The following MYBPC2 variants were observed in gnomAD, a reference collection of about 807,000 sequenced individuals.
MYBPC2 encodes the protein myosin binding protein C2.
A neutral mutation model predicts 137.0 loss-of-function variants in MYBPC2; 122 were observed. That is an observed-to-expected ratio of 0.89 (90% CI 0.77 to 1.03). MYBPC2 has a LOEUF of 1.03. Ranked by LOEUF, MYBPC2 falls within the 50% of genes least tolerant of loss-of-function variation. The probability of loss-of-function intolerance (pLI) is 0.00; values close to 1 mark genes in which losing one functional copy is unlikely to be tolerated. For synonymous variants in MYBPC2, 626 were observed against 612.3 expected (o/e 1.02, Z -0.33); for missense variants, 1,500 against 1,534.4 (o/e 0.98, Z 0.37).
At chr19:50,451,777 A>G in intron 15 of MYBPC2, 87 bp from the exon 16 acceptor site, 2 of 1,532,316 alleles carry the variant, frequency 1.3e-6, no homozygotes, top group Non-Finnish European at 1.8e-6. Flanking sequence ...CACTGTTGGA[A>G]CCCAACTTTT....
At chr19:50,450,772 C>T in intron 13 of MYBPC2, 57 bp from the exon 14 acceptor site, 1 of 1,289,438 alleles carries the variant, frequency 7.8e-7, no homozygotes, top group Non-Finnish European at 1.1e-6. Flanking sequence ...CGGTGCAGCC[C>T]CATAGTGGTC....
chr19:50,433,027 G>C (rs2039671177), intron 1 of MYBPC2, 55 bp downstream of exon 1: 1 of 1,533,570 alleles, frequency 6.5e-7, no homozygotes, highest in African/African-American at 1.4e-5. Flanking sequence ...TTCTGGATGG[G>C]GATTTGGGAC....
At position 50,435,865 on chromosome 19, in the gene MYBPC2, G is replaced by C; in HGVS notation, c.196+3G>C. ...GGACTCCGTCTCAGTGGAGACTGGTGAGGGGAACCCGGGGGAGGAGGGGCT... is the reference window on the plus strand; with the variant it reads ...GGACTCCGTCTCAGTGGAGACTGGTCAGGGGAACCCGGGGGAGGAGGGGCT... On this transcript the variant is annotated splice_donor_region_variant and intron_variant, in intron 3 of 27. Transcript: ENST00000357701. The surrounding 1 kb of genome is among the most constrained non-coding windows in gnomAD (Gnocchi z 4.8). The C allele has an allele frequency of 6.3e-7, 1 of 1,585,594 alleles. No individual in the cohort carries two copies. Among genetic ancestry groups the C allele is most frequent in the Non-Finnish European group, 8.6e-7 (1 of 1,164,906 alleles).
At chr19:50,452,106 C>T (rs1465642057) in intron 16 of MYBPC2, 103 bp downstream of exon 16, 1 of 1,273,822 alleles carries the variant, frequency 7.9e-7, no homozygotes, top group Non-Finnish European at 1.1e-6. Flanking sequence ...GGTGATGGTT[C>T]CTTCTTCACA....
In MYBPC2 at chr19:50,443,590, G is replaced by C. The variant is rs1223476853; in HGVS notation, c.999G>C (p.Glu333Asp). The C allele has an allele frequency of 1.2e-6, 2 of 1,613,428 alleles. No homozygotes were observed. Among genetic ancestry groups the C allele is most frequent in the Non-Finnish European group, 1.7e-6 (2 of 1,179,622 alleles). ...CCTATGAAGTAGCTGTCAAGGATGA[G>C]AAGTGTTTCACCGAGCTCTTCGTCA... ...DAAYEVAVKD[E>D]KCFTELFVKE... Residue 333 changes from glutamate (E) to aspartate (D), a missense_variant, in exon 10 of 28, where the codon GAG becomes GAC. Coordinates refer to ENST00000357701, the MANE Select transcript of MYBPC2 (RefSeq NM_004533.4).
At chr19:50,457,876 C>T (rs574795229) in intron 20 of MYBPC2, among the ~76,000 whole-genome samples, 4 of 150,622 alleles carry the variant, frequency 2.7e-5, no homozygotes, top group South Asian at 2.1e-4. Flanking sequence ...GACAGGGTTT[C>T]GCCATGTTGG....
intron 20 of MYBPC2, among the ~76,000 whole-genome samples, chr19:50,456,610 G>A (rs1184853119): frequency 2.1e-5 from 3 of 143,700 alleles, no homozygotes; most frequent in Non-Finnish European, 4.6e-5. Context: ...TTTTTTTTTT[G>A]TATTTTTAGT....
intron 24 of MYBPC2, among the ~76,000 whole-genome samples, chr19:50,461,269 AGCTGGGATTACAG>A (rs2039968986): frequency 6.7e-6 from 1 of 149,438 alleles, no homozygotes; most frequent in South Asian, 2.1e-4. Context: ...CCTCCCAAAG[AGCTGGGATTACAG>A]GCATGAGCCA....
At chr19:50,444,879 CAAAAAAAAAAAAAAA>C (rs34557075) in intron 11 of MYBPC2, among the ~76,000 whole-genome samples, 1 of 67,274 alleles carries the variant, frequency 1.5e-5, no homozygotes, top group East Asian at 4.1e-4. Context: ...GACTCCGTCT[CAAAAAAAAAAAAAAA>C]AAAAAAAAAA....
chr19:50,464,965 TCTCCCTGCCC>T (rs1433350338), intron 27 of MYBPC2, among the ~76,000 whole-genome samples: 1 of 150,524 alleles, frequency 6.6e-6, no homozygotes, highest in Non-Finnish European at 1.5e-5. Flanking sequence ...TGCCCCTGCC[TCTCCCTGCCC>T]CGTCCCTCAT....
rs1314888529 is a variant in MYBPC2, at chr19:50,464,145, C to T, written c.3229-201C>T. 7.7e-6 allele frequency: 4 copies of T among 518,354 alleles called. No homozygotes were observed. The East Asian group carries it at 1.4e-4, about 19-fold the overall frequency. 32.1% of individuals were successfully genotyped at this position (518,354 alleles called of 1,614,324 possible). ...TGTCCTGAGAGCAATGGGAAGACCC[C>T]ACCGTTACCCTGTGAAGTGGGATTA... On this transcript the variant is annotated intron_variant, in intron 26 of 27. Transcript: ENST00000357701.
At position 50,451,900 on chromosome 19, in the gene MYBPC2, C is replaced by T; in HGVS notation, c.1646C>T (p.Thr549Ile). ...ATCCACTTGGATTGCTCGGGGAAGA[C>T]CTCAGAGAATGCGATTGTGGTTGTG... ...PKIHLDCSGK[T>I]SENAIVVVAG... The change falls in exon 16 of 28, where the codon ACC becomes ATC. Residue 549 changes from threonine to isoleucine, a missense_variant. Thr to Ile is a moderately conservative substitution (Grantham distance 89, BLOSUM62 -1). Transcript: ENST00000357701. 1.3e-6 allele frequency: 2 copies of T among 1,589,530 alleles called. No homozygotes were observed. The highest frequency in any genetic ancestry group is 1.7e-6 in the Non-Finnish European group (2 of 1,167,452).
Position 50,465,177 on chromosome 19 carries a change from C to T in MYBPC2, c.3415+645C>T, listed in dbSNP as rs537721661. Among the ~76,000 whole-genome samples the T allele has an allele frequency of 2.6e-5, 4 of 152,186 alleles. No homozygotes were observed. In the East Asian group the frequency reaches 5.8e-4, roughly 22 times the overall value. ...TCCCAGCCCGCTGGGGACTCCCCACCGCCCCAGCGCCCCTCCGCCTGGTGT... is the reference window on the plus strand; with the variant it reads ...TCCCAGCCCGCTGGGGACTCCCCACTGCCCCAGCGCCCCTCCGCCTGGTGT... On this transcript the variant is annotated intron_variant, in intron 27 of 27. Coordinates refer to ENST00000357701, the MANE Select transcript of MYBPC2 (RefSeq NM_004533.4). The surrounding 1 kb of genome is among the most constrained non-coding windows in gnomAD (Gnocchi z 4.5).
chr19:50,443,165 GA>G (rs200599969), intron 9 of MYBPC2, among the ~76,000 whole-genome samples: 10 of 151,348 alleles, frequency 6.6e-5, no homozygotes, highest in Non-Finnish European at 1.5e-4. Context: ...CAAGAAAAGA[GA>G]AAAAAAAATT....
chr19:50,435,056 T>A lies in MYBPC2; in HGVS notation c.20-105T>A. 6.0e-6 allele frequency: 4 copies of A among 670,060 alleles called. No individual in the cohort carries two copies. Among genetic ancestry groups the A allele is most frequent in the Non-Finnish European group, 1.1e-5 (4 of 364,826 alleles). 41.5% of individuals were successfully genotyped at this position (670,060 alleles called of 1,614,324 possible). A position where few individuals can be genotyped will look rare whatever the true frequency, so the allele number is the denominator to read the frequency against. ...AGGAGGGGCTGGGGGCCTGGACTCCTGGGTCTGAGGGAGGAGGGGCTGGGG... is the reference window on the plus strand; with the variant it reads ...AGGAGGGGCTGGGGGCCTGGACTCCAGGGTCTGAGGGAGGAGGGGCTGGGG... On this transcript the variant is annotated intron_variant, in intron 1 of 27. Coordinates refer to ENST00000357701, the MANE Select transcript of MYBPC2 (RefSeq NM_004533.4). The surrounding 1 kb of genome is among the most constrained non-coding windows in gnomAD (Gnocchi z 4.8).
chr19:50,445,742 C>G (rs1366364573), intron 11 of MYBPC2, 138 bp from the exon 12 acceptor site: 3 of 838,830 alleles, frequency 3.6e-6, no homozygotes, highest in Non-Finnish European at 5.5e-6. Context: ...CTCAAGATGC[C>G]TCTGCCACTC....
chr19:50,440,496 T>C (rs1025239133), intron 7 of MYBPC2, among the ~76,000 whole-genome samples: 27 of 151,592 alleles, frequency 1.8e-4, no homozygotes, highest in African/African-American at 6.5e-4. Flanking sequence ...AAACCCTGTT[T>C]CTACTAAAAT....
chr19:50,460,136 A>G lies in MYBPC2; in HGVS notation c.2888A>G (p.Glu963Gly). 6.3e-7 allele frequency: 1 copy of G among 1,587,314 alleles called. No individual in the cohort carries two copies. The highest frequency in any genetic ancestry group is 1.3e-5 in the African/African-American group (1 of 74,384). ...WQAPKDDGNSEIMGYFVQKAD... is the reference protein window; with the variant it reads ...WQAPKDDGNSGIMGYFVQKAD... ...GCCCCCAAAGATGATGGGAACAGTGAGATCATGGGGTATTTCGTCCAGAAA... is the reference window on the plus strand; with the variant it reads ...GCCCCCAAAGATGATGGGAACAGTGGGATCATGGGGTATTTCGTCCAGAAA... The change falls in exon 24 of 28, where the codon GAG becomes GGG. Residue 963 changes from glutamate (E) to glycine (G), a missense_variant. Physicochemically the swap from Glu to Gly is moderately conservative, Grantham distance 98 (BLOSUM62 -2). Transcript: ENST00000357701.
intron 13 of MYBPC2, 131 bp downstream of exon 13, chr19:50,448,521 T>C: frequency 8.1e-7 from 1 of 1,241,376 alleles, no homozygotes; most frequent in Non-Finnish European, 1.1e-6. Context: ...CAGGCTAGAG[T>C]GCAATGGCGC....
Sources: allele counts gnomAD v4.1 joint callset (sites outside exome capture counted in the v4.1 genomes callset), GRCh38; gene constraint gnomAD v4.1.1; non-coding constraint Gnocchi (gnomAD v3.1); transcripts MANE v1.5; gene names NCBI Gene and HGNC (gene_info 2026-07-23, HGNC 2026-07-21).